The following CFAP221 variants were observed in gnomAD, a reference collection of about 807,000 sequenced individuals.
The protein encoded by CFAP221 is cilia and flagella associated protein 221.
A neutral mutation model predicts 113.1 loss-of-function variants in CFAP221; 97 were observed. That is an observed-to-expected ratio of 0.86 (90% confidence interval 0.73 to 1.02). The LOEUF (loss-of-function observed/expected upper bound fraction) is 1.02. Among genes scored for constraint, CFAP221 ranks in the 50% least tolerant of loss-of-function variants. CFAP221 has a pLI of 0.00. For missense variants in CFAP221, 1,025 were observed against 1,013.4 expected (o/e 1.01, Z -0.16); for synonymous variants, 331 against 354.4 (o/e 0.93, Z 0.74).
chr2:119,657,213 C>T (rs1688475764), downstream of CFAP221, among the ~76,000 whole-genome samples: 2 of 152,140 alleles, frequency 1.3e-5, no homozygotes, highest in South Asian at 4.1e-4. Context: ...GTATTCCCTC[C>T]ACTCATTTTT....
At position 119,546,781 on chromosome 2, in the gene CFAP221, G is replaced by A. The variant is rs1680082932; in HGVS notation, c.139+511G>A. On this transcript the variant is annotated intron_variant, in intron 2 of 23. Transcript: ENST00000413369. ...CTCTGGCTACATGAGGTTCCTTCCT[G>A]TCCTTCGGACCACAGGCATTTTAGA... is the stretch of plus-strand genomic sequence containing the variant. Among the ~76,000 whole-genome samples, 5 of 152,154 alleles carry A rather than the reference G, an allele frequency of 3.3e-5. No individual in the cohort carries two copies. In the South Asian group the frequency reaches 1.0e-3, roughly 32 times the overall value.
chr2:119,646,066 A>G (rs1224042123), intron 21 of CFAP221, among the ~76,000 whole-genome samples: 1 of 152,164 alleles, frequency 6.6e-6, no homozygotes, highest in African/African-American at 2.4e-5. Context: ...ACCCTATCTC[A>G]ATTCCTTTAA....
Position 119,627,788 on chromosome 2 carries a change from T to C in CFAP221, c.1650+2T>C. The stretch of plus-strand genomic sequence containing the variant: ...CCACCCCAGGACTCCAACGAGTTGG[T>C]AGGTGCCGTCAGGCTTGGGGGCGGG... On this transcript the variant is annotated splice_donor_variant, in intron 16 of 23. Coordinates refer to ENST00000413369, the MANE Select transcript of CFAP221 (RefSeq NM_001271049.2). LOFTEE classifies it high-confidence loss of function. 5.6e-6 allele frequency: 9 copies of C among 1,613,426 alleles called. No individual in the cohort carries two copies. The highest frequency in any genetic ancestry group is 7.6e-6 in the Non-Finnish European group (9 of 1,179,714).
Position 119,548,982 on chromosome 2 carries a change from T to G in CFAP221, c.140-103T>G. The G allele has an allele frequency of 4.1e-6, 3 of 739,214 alleles. No homozygotes were observed. The South Asian group carries it at 7.5e-5, about 19-fold the overall frequency. The allele number at this position is 739,214 out of a possible 1,614,324, so 45.8% of individuals were successfully genotyped here. On this transcript the variant is annotated intron_variant, in intron 2 of 23. Transcript: ENST00000413369. ...TCCAATGTCTGCAATTTTCATATGCTTAAAATGCCCTAAATTAAAGAAAGC... is the reference window on the plus strand; with the variant it reads ...TCCAATGTCTGCAATTTTCATATGCGTAAAATGCCCTAAATTAAAGAAAGC...
chr2:119,586,705 A>AGCTCTGT (rs1171119955), intron 6 of CFAP221: 2 of 153,972 alleles, frequency 1.3e-5, no homozygotes, highest in East Asian at 3.8e-4. Flanking sequence ...GGTGAGGCCG[A>AGCTCTGT]GCTCTGTGGT....
At chr2:119,654,447 T>A (rs1050778049) in intron 23 of CFAP221, among the ~76,000 whole-genome samples, 2 of 152,124 alleles carry the variant, frequency 1.3e-5, no homozygotes, top group Admixed American at 6.5e-5. Flanking sequence ...GGACATAGAA[T>A]GGCTTGCCCC....
intron 3 of CFAP221, among the ~76,000 whole-genome samples, chr2:119,553,998 G>T (rs1408516645): frequency 6.6e-6 from 1 of 152,148 alleles, no homozygotes; most frequent in Non-Finnish European, 1.5e-5. Context: ...GCTTCGATCA[G>T]ACATTAAATC....
chr2:119,582,709 G>C (rs1408726421), intron 6 of CFAP221, among the ~76,000 whole-genome samples: 1 of 152,056 alleles, frequency 6.6e-6, no homozygotes, highest in Non-Finnish European at 1.5e-5. Context: ...GCCCACCTCG[G>C]CCTCCCAAAG....
intron 22 of CFAP221, among the ~76,000 whole-genome samples, chr2:119,651,507 AAC>A (rs1688129325): frequency 7.4e-6 from 1 of 134,386 alleles, no homozygotes; most frequent in African/African-American, 2.7e-5. Flanking sequence ...AAAAAAAAAA[AAC>A]TAGACTATTT....
At chr2:119,580,795 T>A (rs1682801507) in intron 6 of CFAP221, 1 of 152,252 alleles carries the variant, frequency 6.6e-6, no homozygotes, top group African/African-American at 2.4e-5. Flanking sequence ...AGTCAGGCAG[T>A]GTTGGAGACC....
intron 16 of CFAP221, 47 bp downstream of exon 16, chr2:119,627,833 C>G: frequency 1.2e-6 from 2 of 1,605,956 alleles, no homozygotes; most frequent in Non-Finnish European, 1.7e-6. Flanking sequence ...TGATCATGAT[C>G]GTGTTGGGCA....
At chr2:119,550,703 G>A (rs1194996012) in intron 3 of CFAP221, among the ~76,000 whole-genome samples, 1 of 152,064 alleles carries the variant, frequency 6.6e-6, no homozygotes, top group Non-Finnish European at 1.5e-5. Flanking sequence ...TTTATTACTT[G>A]CTCCTTATGC....
Position 119,587,179 on chromosome 2 carries a change from C to A in CFAP221, c.588C>A (p.Thr196=). ...SCPVDFEFYI[T]LIQSHQAFAI... ...CTGTAGATTTTGAGTTTTATATCAC[C>A]TTGATTCAGTCTCATCAAGCCTTTG... Residue 196 remains threonine (T), a synonymous_variant, in exon 7 of 24, where the codon ACC becomes ACA. Transcript: ENST00000413369. 1 of 1,533,332 alleles carries A rather than the reference C, an allele frequency of 6.5e-7. No individual in the cohort carries two copies. Among genetic ancestry groups the A allele is most frequent in the South Asian group, 1.2e-5 (1 of 83,500 alleles). The allele number at this position is 1,533,332 out of a possible 1,614,324, so 95.0% of individuals were successfully genotyped here. A position where few individuals can be genotyped will look rare whatever the true frequency, so the allele number is the denominator to read the frequency against.
chr2:119,584,318 G>A (rs904379104), intron 6 of CFAP221, among the ~76,000 whole-genome samples: 2 of 152,190 alleles, frequency 1.3e-5, no homozygotes, highest in Non-Finnish European at 2.9e-5. Context: ...CAGTCATGAT[G>A]TCTCATGCAT....
chr2:119,574,287 G>T (rs759674839), intron 6 of CFAP221, among the ~76,000 whole-genome samples: 36 of 152,104 alleles, frequency 2.4e-4, no homozygotes, highest in Non-Finnish European at 4.6e-4. Context: ...CTTGTTTAGG[G>T]TTTTCTGTCT....
chr2:119,603,557 T>A (rs1378336622), intron 8 of CFAP221, among the ~76,000 whole-genome samples: 1 of 152,216 alleles, frequency 6.6e-6, no homozygotes, highest in Non-Finnish European at 1.5e-5. Context: ...GGTCAGCAAA[T>A]ACATATTAAC....
intron 7 of CFAP221, among the ~76,000 whole-genome samples, chr2:119,597,216 G>A (rs1315756477): frequency 6.6e-6 from 1 of 152,130 alleles, no homozygotes; most frequent in Admixed American, 6.5e-5. Flanking sequence ...TCATTTTACA[G>A]ATGAGAAAAC....
At chr2:119,571,380 TC>T (rs1682043173) in intron 6 of CFAP221, among the ~76,000 whole-genome samples, 1 of 151,998 alleles carries the variant, frequency 6.6e-6, no homozygotes, top group South Asian at 2.1e-4. Flanking sequence ...CCTCAGGTGA[TC>T]CACCCACCTC....
intron 20 of CFAP221, 65 bp from the exon 21 acceptor site, chr2:119,639,716 C>A: frequency 7.6e-7 from 1 of 1,316,796 alleles, no homozygotes; most frequent in Non-Finnish European, 1.1e-6. Flanking sequence ...TTGAATAAAA[C>A]AAAAGTCCTT....
Sources: gnomAD v4.1 joint callset for allele counts (sites outside exome capture counted in the v4.1 genomes callset) on GRCh38, gnomAD v4.1.1 for gene constraint, MANE v1.5 for transcripts, NCBI Gene and HGNC (gene_info 2026-07-23, HGNC 2026-07-21) for gene names.